Variants in PFKFB4 observed in about 807,000 individuals in gnomAD.
The protein encoded by PFKFB4 is 6-phosphofructo-2-kinase/fructose-2,6-biphosphatase 4, also known as 6-phosphofructo-2-kinase/fructose-2,6-bisphosphatase 4.
PFKFB4 carries 42 observed loss-of-function variants against 62.8 expected under a neutral mutation model. That is an observed-to-expected ratio of 0.67 (90% CI 0.52 to 0.86). The LOEUF is 0.86. Among genes scored for constraint, PFKFB4 ranks in the 40% least tolerant of loss-of-function variants. The probability of loss-of-function intolerance (pLI) is 0.00; values close to 1 mark genes in which losing one functional copy is unlikely to be tolerated. For synonymous variants in PFKFB4, 204 were observed against 240.7 expected (o/e 0.85, Z 1.41); for missense variants, 475 against 627.2 (o/e 0.76, Z 2.59).
At chr3:48,544,456 T>C (rs1309962697) in intron 3 of PFKFB4, among the ~76,000 whole-genome samples, 1 of 148,110 alleles carries the variant, frequency 6.8e-6, no homozygotes, top group Admixed American at 6.7e-5. Flanking sequence ...TTTTTTTTTT[T>C]TTTTTTTTTG....
chr3:48,562,853 C>T (rs773846274), upstream of PFKFB4: 33 of 1,588,700 alleles, frequency 2.1e-5, no homozygotes, highest in East Asian at 3.6e-4. The surrounding 1 kb of genome is among the most constrained non-coding windows in gnomAD (Gnocchi z 4.3). Flanking sequence ...AGCCCTGGCC[C>T]GGGCTTGCTC....
chr3:48,550,871 GAAGCCCTGTGGTATCT>G (rs1263774444), intron 1 of PFKFB4, among the ~76,000 whole-genome samples: 3 of 152,206 alleles, frequency 2.0e-5, no homozygotes, highest in Non-Finnish European at 4.4e-5. Context: ...TACAGCAGAA[GAAGCCCTGTGGTATCT>G]GAGCCCTTTA....
chr3:48,538,762 G>C (rs1405891900), intron 6 of PFKFB4, 143 bp from the exon 7 acceptor site: 3 of 1,008,086 alleles, frequency 3.0e-6, no homozygotes, highest in Middle Eastern at 2.2e-4. Flanking sequence ...GCTGAGGTGG[G>C]GGCTGGTCCA....
In PFKFB4 at chr3:48,521,285, G is replaced by A. The variant is rs1248510978; in HGVS notation, c.1350+701C>T. ...GGAACTGGGACCGGGGCTCCCAGAA[G>A]TGTAGGTCCTATCCTTGGCCCCAGT... is the stretch of plus-strand genomic sequence containing the variant. On this transcript the variant is annotated intron_variant, in intron 13 of 13. Transcript: ENST00000232375. The surrounding 1 kb of genome is among the most constrained non-coding windows in gnomAD (Gnocchi z 5.3). Among the ~76,000 whole-genome samples the A allele has an allele frequency of 6.6e-6, 1 of 152,186 alleles. No individual in the cohort carries two copies. The highest frequency in any genetic ancestry group is 1.5e-5 in the Non-Finnish European group (1 of 68,028).
upstream of PFKFB4, chr3:48,563,030 G>A (rs1218249543): frequency 1.2e-6 from 2 of 1,611,574 alleles, no homozygotes; most frequent in African/African-American, 2.7e-5. The surrounding 1 kb of genome is among the most constrained non-coding windows in gnomAD (Gnocchi z 4.5). Flanking sequence ...AGAATTCTGA[G>A]GGCGGAGCTG....
At chr3:48,562,952 G>A, upstream of PFKFB4, 2 of 1,605,124 alleles carry the variant, frequency 1.2e-6, no homozygotes, top group Non-Finnish European at 1.7e-6. The surrounding 1 kb of genome is among the most constrained non-coding windows in gnomAD (Gnocchi z 4.3). Flanking sequence ...GTGGCTCTGG[G>A]CAGCCCACGG....
At chr3:48,550,024 C>G (rs770853166) in intron 2 of PFKFB4, 64 bp from the exon 3 acceptor site, 4 of 1,449,194 alleles carry the variant, frequency 2.8e-6, no homozygotes, top group Admixed American at 3.4e-5. Context: ...TGACCTTGAC[C>G]CAACCCCAGG....
At chr3:48,547,823 C>T (rs1014155605) in intron 3 of PFKFB4, 2 of 152,224 alleles carry the variant, frequency 1.3e-5, no homozygotes, top group South Asian at 2.1e-4. Context: ...CAGAGATGGA[C>T]CTCAACACTG....
In PFKFB4 at chr3:48,517,969, C is replaced by T. The variant is rs1056087344; in HGVS notation, c.*1778G>A. 1.3e-5 allele frequency: 2 copies of T among 152,432 alleles called. No individual in the cohort carries two copies. The highest frequency in any genetic ancestry group is 2.9e-5 in the Non-Finnish European group (2 of 68,162). The allele number at this position is 152,432 out of a possible 1,614,324, so 9.4% of individuals were successfully genotyped here. A position where few individuals can be genotyped will look rare whatever the true frequency, so the allele number is the denominator to read the frequency against. On this transcript the variant is annotated 3_prime_UTR_variant, in exon 14 of 14. Coordinates refer to ENST00000232375, the MANE Select transcript of PFKFB4 (RefSeq NM_004567.4). The stretch of plus-strand genomic sequence containing the variant: ...ATCCAGTCCAGCAACTCCTAACTCC[C>T]CTCTGTACACAGAGAGAAAAGGCCT...
chr3:48,523,488 G>C (rs2107455946), intron 12 of PFKFB4, 49 bp downstream of exon 12: 1 of 1,540,032 alleles, frequency 6.5e-7, no homozygotes, highest in Non-Finnish European at 9.0e-7. Context: ...ACTGTGCAGA[G>C]ATCCAAGGTC....
intron 4 of PFKFB4, among the ~76,000 whole-genome samples, chr3:48,541,655 TCAAA>T (rs996845801): frequency 6.6e-6 from 1 of 151,862 alleles, no homozygotes; most frequent in Non-Finnish European, 1.5e-5. Flanking sequence ...AGAAACTAAA[TCAAA>T]CAAACAAACA....
chr3:48,549,859 C>T lies in PFKFB4; in HGVS notation c.311+5G>A. On this transcript the variant is annotated splice_donor_5th_base_variant and intron_variant, in intron 3 of 13. Transcript: ENST00000232375. ...TCTCCCCCCACACCCAACACATATA[C>T]TTACTTCCTGATTTTCAGGCCCTCT... The T allele has an allele frequency of 1.3e-6, 2 of 1,580,512 alleles. No individual in the cohort carries two copies. The highest frequency in any genetic ancestry group is 1.7e-6 in the Non-Finnish European group (2 of 1,149,330).
intron 3 of PFKFB4, among the ~76,000 whole-genome samples, chr3:48,546,686 T>C (rs756896343): frequency 1.4e-4 from 21 of 152,220 alleles, no homozygotes; most frequent in Admixed American, 5.2e-4. Flanking sequence ...TATGAAACTT[T>C]CCCTGAATTA....
rs769841784 is a variant in PFKFB4 at position 48,522,042 on chromosome 3, C to T, written c.1294G>A (p.Val432Met). Reference protein sequence around the residue: ...KLTPVAYGCKVESIFLNVAAV... With the variant: ...KLTPVAYGCKMESIFLNVAAV... ...GCCACGTTCAGGAATATGGACTCCA[C>T]TTTACAACCTGCCAAAGGGAAGATG... The change falls in exon 13 of 14, where the codon GTG becomes ATG. Residue 432 changes from valine (V) to methionine (M), a missense_variant. Transcript: ENST00000232375. 5 of 1,614,162 alleles carry T rather than the reference C, an allele frequency of 3.1e-6. No individual in the cohort carries two copies. The South Asian group carries it at 4.4e-5, about 14-fold the overall frequency.
intron 8 of PFKFB4, among the ~76,000 whole-genome samples, 168 bp from the exon 9 acceptor site, chr3:48,535,826 C>G (rs1311600686): frequency 6.6e-6 from 1 of 152,184 alleles, no homozygotes; most frequent in African/African-American, 2.4e-5. Context: ...CACAAGAACA[C>G]AAGTGCTGTT....
chr3:48,519,988 C>T (rs569424763), intron 13 of PFKFB4, among the ~76,000 whole-genome samples, 182 bp from the exon 14 acceptor site: 10 of 152,150 alleles, frequency 6.6e-5, no homozygotes, highest in South Asian at 6.2e-4. Context: ...TGCCACATAG[C>T]GGGTGGATGG....
intron 9 of PFKFB4, among the ~76,000 whole-genome samples, chr3:48,534,570 T>C (rs1575371913): frequency 6.7e-6 from 1 of 149,148 alleles, no homozygotes; most frequent in Admixed American, 6.7e-5. Context: ...AGTCAGGAGG[T>C]TGAGATGGGA....
At chr3:48,527,182 T>A (rs1034074415) in intron 9 of PFKFB4, among the ~76,000 whole-genome samples, 3 of 152,016 alleles carry the variant, frequency 2.0e-5, no homozygotes, top group Non-Finnish European at 4.4e-5. Flanking sequence ...CCTCCAGAAC[T>A]GTGAGAGAAT....
chr3:48,539,629 G>T, intron 5 of PFKFB4, 68 bp downstream of exon 5: 1 of 1,338,256 alleles, frequency 7.5e-7, no homozygotes, highest in Non-Finnish European at 1.1e-6. Context: ...AGCAGGCGGT[G>T]AAAGGAGCCC....
Sources: gnomAD v4.1 joint callset for allele counts (sites outside exome capture counted in the v4.1 genomes callset) on GRCh38, gnomAD v4.1.1 for gene constraint, Gnocchi (gnomAD v3.1) non-coding constraint, MANE v1.5 for transcripts, NCBI Gene and HGNC (gene_info 2026-07-23, HGNC 2026-07-21) for gene names.